The following GLT1D1 variants were observed in gnomAD, a reference collection of about 807,000 sequenced individuals.
GLT1D1 encodes the protein glycosyltransferase 1 domain containing 1.
GLT1D1 carries 21 observed loss-of-function variants against 28.7 expected under a neutral mutation model. The ratio of observed to expected loss-of-function variants is 0.73; its 90% CI spans 0.52 to 1.05. The LOEUF (loss-of-function observed/expected upper bound fraction) is 1.05. GLT1D1 is among the 50% of genes least tolerant of loss of function. The probability of loss-of-function intolerance (pLI) is 0.00; values close to 1 mark genes in which losing one functional copy is unlikely to be tolerated. For missense variants in GLT1D1, 343 were observed against 330.6 expected (o/e 1.04, Z -0.29); for synonymous variants, 147 against 124.8 (o/e 1.18, Z -1.19).
At chr12:128,975,416 C>T (rs1262702642) in intron 7 of GLT1D1, among the ~76,000 whole-genome samples, 5 of 152,000 alleles carry the variant, frequency 3.3e-5, no homozygotes, top group Admixed American at 6.6e-5. Context: ...TGCTCAGTTT[C>T]CATCTGCAGA....
intron 4 of GLT1D1, among the ~76,000 whole-genome samples, chr12:128,930,625 A>G (rs1873756075): frequency 6.6e-6 from 1 of 152,200 alleles, no homozygotes; most frequent in African/African-American, 2.4e-5. Context: ...CACTGAACTG[A>G]CGATCATCTG....
At chr12:128,935,275 G>A (rs1267560147) in intron 4 of GLT1D1, among the ~76,000 whole-genome samples, 2 of 152,114 alleles carry the variant, frequency 1.3e-5, no homozygotes, top group South Asian at 2.1e-4. Context: ...AGCCGGGCGC[G>A]GTGGCTCACG....
rs533615200 is a variant in GLT1D1, at chr12:128,876,394, C to T, written c.217+332C>T. On this transcript the variant is annotated intron_variant, in intron 2 of 7. Coordinates refer to ENST00000281703, the MANE Select transcript of GLT1D1 (RefSeq NM_144669.3). ...TACAATCTCGGCTCGCTGCAACCTCCGCTTCCTGGGCTCAAGCAATCCTCC... is the reference window on the plus strand; with the variant it reads ...TACAATCTCGGCTCGCTGCAACCTCTGCTTCCTGGGCTCAAGCAATCCTCC... 5.9e-5 allele frequency among the ~76,000 whole-genome samples: 9 copies of T among 152,228 alleles called. No homozygotes were observed. The East Asian group carries it at 1.4e-3, about 23-fold the overall frequency.
chr12:128,897,882 T>G (rs775345946), intron 3 of GLT1D1, among the ~76,000 whole-genome samples: 94 of 152,142 alleles, frequency 6.2e-4, no homozygotes, highest in Non-Finnish European at 1.2e-3. Flanking sequence ...GTTAGCCAGG[T>G]GGTCTCGATC....
intron 4 of GLT1D1, among the ~76,000 whole-genome samples, chr12:128,914,691 G>T (rs1306180641): frequency 6.6e-6 from 1 of 151,824 alleles, no homozygotes; most frequent in Non-Finnish European, 1.5e-5. Context: ...GTGGCAGCGG[G>T]CGCCTATACT....
rs1259110689 is a variant in GLT1D1 at position 128,853,612 on chromosome 12, C to T, written c.31C>T (p.Pro11Ser). The T allele has an allele frequency of 5.1e-6, 6 of 1,180,398 alleles. No homozygotes were observed. The highest frequency in any genetic ancestry group is 5.3e-6 in the Non-Finnish European group (5 of 942,804). 73.1% of individuals were successfully genotyped at this position (1,180,398 alleles called of 1,614,324 possible). ...GCTCCTGTTCCTGGCGGTGCTGCGG[C>T]CACACACCGGCAACGCGGTCACGGC... Residue 11 changes from proline (P) to serine (S), a missense_variant, in exon 1 of 8, where the codon CCA becomes TCA. Coordinates refer to ENST00000281703, the MANE Select transcript of GLT1D1 (RefSeq NM_144669.3).
chr12:128,872,226 G>A (rs1045136930), intron 1 of GLT1D1, among the ~76,000 whole-genome samples: 3 of 152,178 alleles, frequency 2.0e-5, no homozygotes, highest in Non-Finnish European at 4.4e-5. Flanking sequence ...TTACAGGCGT[G>A]AGCCACCGCG....
At chr12:128,974,779 G>A (rs1355466445) in intron 7 of GLT1D1, among the ~76,000 whole-genome samples, 2 of 152,218 alleles carry the variant, frequency 1.3e-5, no homozygotes, top group Non-Finnish European at 2.9e-5. Flanking sequence ...AATCCCCCAG[G>A]TCCTGAATTC....
At chr12:128,916,594 A>G (rs1872135076) in intron 4 of GLT1D1, among the ~76,000 whole-genome samples, 1 of 151,898 alleles carries the variant, frequency 6.6e-6, no homozygotes. Flanking sequence ...TCTAAGTTTC[A>G]TTTCCCTGAT....
intron 4 of GLT1D1, among the ~76,000 whole-genome samples, chr12:128,902,893 A>C (rs1354264988): frequency 6.6e-6 from 1 of 151,188 alleles, no homozygotes; most frequent in Non-Finnish European, 1.5e-5. Context: ...AAATGCAAAA[A>C]ATTAGCCGGG....
chr12:128,892,105 T>C (rs1253048693), intron 3 of GLT1D1, among the ~76,000 whole-genome samples: 2 of 152,196 alleles, frequency 1.3e-5, no homozygotes, highest in Admixed American at 6.5e-5. Context: ...GCATTTCTGA[T>C]TGGCCTTTCC....
At chr12:128,871,195 C>T (rs551988568) in intron 1 of GLT1D1, among the ~76,000 whole-genome samples, 1 of 152,282 alleles carries the variant, frequency 6.6e-6, no homozygotes, top group East Asian at 1.9e-4. Flanking sequence ...TTACGAAGAA[C>T]ATAAAATAGC....
At chr12:128,893,295 G>T (rs1289122102) in intron 3 of GLT1D1, among the ~76,000 whole-genome samples, 1 of 152,076 alleles carries the variant, frequency 6.6e-6, no homozygotes, top group Non-Finnish European at 1.5e-5. Flanking sequence ...ATGAGCAAAA[G>T]AGAGTTTGTA....
intron 4 of GLT1D1, among the ~76,000 whole-genome samples, chr12:128,918,775 G>A (rs143074641): frequency 6.6e-6 from 1 of 152,304 alleles, no homozygotes; most frequent in African/African-American, 2.4e-5. Context: ...AGGACGCAAT[G>A]GCGTTGTAAC....
chr12:128,969,146 G>A (rs1711356), intron 7 of GLT1D1, among the ~76,000 whole-genome samples: 5 of 118,864 alleles, frequency 4.2e-5, no homozygotes, highest in African/African-American at 2.4e-4. Flanking sequence ...CTCCCTCTCA[G>A]TCTCTGTTTC....
At chr12:128,858,227 T>G in intron 1 of GLT1D1, among the ~76,000 whole-genome samples, 1 of 152,168 alleles carries the variant, frequency 6.6e-6, no homozygotes, top group Non-Finnish European at 1.5e-5. Flanking sequence ...TATTTGACAC[T>G]GTATATCGTG....
At chr12:128,961,897 A>AG (rs1298204573) in intron 7 of GLT1D1, among the ~76,000 whole-genome samples, 8 of 150,336 alleles carry the variant, frequency 5.3e-5, no homozygotes, top group African/African-American at 1.8e-4. Flanking sequence ...CAGAAATGTG[A>AG]CCTTTTTTTT....
chr12:128,947,128 A>T (rs747238845), intron 5 of GLT1D1, among the ~76,000 whole-genome samples: 116 of 152,324 alleles, frequency 7.6e-4, no homozygotes, highest in Admixed American at 1.5e-3. Context: ...AAACAAAAGC[A>T]GACATGTTAA....
rs1323921655 is a variant in GLT1D1, at chr12:128,984,002, A to G, written c.*912A>G. The G allele has an allele frequency of 1.3e-5, 2 of 152,266 alleles. No homozygotes were observed. Among genetic ancestry groups the G allele is most frequent in the Non-Finnish European group, 2.9e-5 (2 of 68,074 alleles). 9.4% of individuals were successfully genotyped at this position (152,266 alleles called of 1,614,324 possible). A position where few individuals can be genotyped will look rare whatever the true frequency, so the allele number is the denominator to read the frequency against. The stretch of plus-strand genomic sequence containing the variant: ...TGGTAATGGTGGCCTCGCCCCATCC[A>G]TGTCATCCATGTCACATGAGGACGT... On this transcript the variant is annotated 3_prime_UTR_variant, in exon 8 of 8. Transcript: ENST00000281703.
Sources: allele counts gnomAD v4.1 joint callset (sites outside exome capture counted in the v4.1 genomes callset), GRCh38; gene constraint gnomAD v4.1.1; transcripts MANE v1.5; gene names NCBI Gene and HGNC (gene_info 2026-07-23, HGNC 2026-07-21).